The following SETD1A variants were observed in gnomAD, a reference collection of about 807,000 sequenced individuals.
The protein encoded by SETD1A is histone-lysine N-methyltransferase SETD1A.
In SETD1A, 29 loss-of-function variants were observed where a neutral mutation model predicts 149.9. The observed-to-expected ratio is 0.19, with a 90% CI of 0.14 to 0.26. The LOEUF (loss-of-function observed/expected upper bound fraction) is 0.26, where lower values mean the gene tolerates loss of function less well. Ranked by LOEUF, SETD1A falls within the 10% of genes least tolerant of loss-of-function variation. The probability of loss-of-function intolerance (pLI) is 1.00; values close to 1 mark genes in which losing one functional copy is unlikely to be tolerated. For synonymous variants in SETD1A, 1,141 were observed against 968.5 expected (o/e 1.18, Z -3.31); for missense variants, 2,109 against 2,353.1 (o/e 0.90, Z 2.15).
intron 13 of SETD1A, among the ~76,000 whole-genome samples, chr16:30,978,933 G>T (rs536624751): frequency 6.6e-6 from 1 of 152,218 alleles, no homozygotes; most frequent in Non-Finnish European, 1.5e-5. Context: ...TCCCACACAC[G>T]TGTCACAGCG....
rs749945271 is a variant in SETD1A, at chr16:30,980,882, G to C, written c.4692+33G>C. 6.7e-7 allele frequency: 1 copy of C among 1,486,224 alleles called. No individual in the cohort carries two copies. The highest frequency in any genetic ancestry group is 9.3e-7 in the Non-Finnish European group (1 of 1,074,242). The allele number at this position is 1,486,224 out of a possible 1,614,324, so 92.1% of individuals were successfully genotyped here. On this transcript the variant is annotated intron_variant, in intron 16 of 18. Coordinates refer to ENST00000262519, the MANE Select transcript of SETD1A (RefSeq NM_014712.3). The surrounding 1 kb of genome is among the most constrained non-coding windows in gnomAD (Gnocchi z 7.7). ...TGGGCTGCAGGAGGGGCTGGGTGGG[G>C]TGGGGTGGGGCAGGAAGGGGCAGAG...
rs1243273140 is a variant in SETD1A, at chr16:30,969,382, A to G, written c.2848A>G (p.Lys950Glu). ...KPPKRDEERG[K>E]TQGKHRKSFA... ...CCCGAAGCGGGACGAAGAGCGAGGC[A>G]AGACCCAGGGCAAGCACCGCAAGTC... The change falls in exon 11 of 19, where the codon AAG (lysine) becomes GAG (glutamate). Residue 950 changes from lysine (K) to glutamate (E), a missense_variant. This residue lies in a region of SETD1A where 832 missense variants were observed against 815.6 expected (regional missense o/e 1.02). Coordinates refer to ENST00000262519, the MANE Select transcript of SETD1A (RefSeq NM_014712.3). The G allele has an allele frequency of 1.9e-6, 3 of 1,614,190 alleles. No individual in the cohort carries two copies. In the Admixed American group the frequency reaches 5.0e-5, roughly 27 times the overall value.
intron 17 of SETD1A, among the ~76,000 whole-genome samples, chr16:30,981,869 C>T (rs1441544044): frequency 2.0e-5 from 3 of 152,064 alleles, no homozygotes; most frequent in Admixed American, 6.6e-5. Flanking sequence ...GAGGATCACT[C>T]GAGACCACGA....
chr16:30,969,570 C>T (rs1428473653), intron 11 of SETD1A, 32 bp from the exon 12 acceptor site: 3 of 1,607,404 alleles, frequency 1.9e-6, no homozygotes, highest in Non-Finnish European at 2.6e-6. Context: ...TTGTCCCCTT[C>T]CTGTTAGTCC....
chr16:30,979,732 C>G lies in SETD1A; in HGVS notation c.3946C>G (p.Arg1316Gly). ...VKPTPPAPAL[R>G]PPEPVPAPAA... Reference sequence around the variant, plus strand: ...GCCCACGCCCCCTGCGCCAGCCCTGCGGCCCCCGGAGCCAGTGCCCGCACC... The same window carrying G: ...GCCCACGCCCCCTGCGCCAGCCCTGGGGCCCCCGGAGCCAGTGCCCGCACC... The change falls in exon 14 of 19, where the codon CGG becomes GGG. Residue 1316 changes from arginine to glycine, a missense_variant. Arg to Gly is a moderately radical substitution (Grantham distance 125). Transcript: ENST00000262519. 1 of 1,599,188 alleles carries G rather than the reference C, an allele frequency of 6.3e-7. No individual in the cohort carries two copies. Among genetic ancestry groups the G allele is most frequent in the Non-Finnish European group, 8.5e-7 (1 of 1,178,376 alleles).
rs551010413 is a variant in SETD1A at position 30,961,799 on chromosome 16, T to C, written c.517+262T>C. Among the ~76,000 whole-genome samples the C allele has an allele frequency of 6.6e-6, 1 of 151,390 alleles. No individual in the cohort carries two copies. Among genetic ancestry groups the C allele is most frequent in the East Asian group, 1.9e-4 (1 of 5,154 alleles). ...AAAAAAAAAAAATCATATGAAGGGTTGTACTAGGTAAGATGAATAGATTGT... is the reference window on the plus strand; with the variant it reads ...AAAAAAAAAAAATCATATGAAGGGTCGTACTAGGTAAGATGAATAGATTGT... On this transcript the variant is annotated intron_variant, in intron 4 of 18. Transcript: ENST00000262519. The surrounding 1 kb of genome is among the most constrained non-coding windows in gnomAD (Gnocchi z 4.0).
intron 1 of SETD1A, 32 bp from the exon 2 acceptor site, chr16:30,958,685 A>T (rs1410452385): frequency 3.7e-6 from 6 of 1,600,746 alleles, no homozygotes; most frequent in Non-Finnish European, 5.1e-6. Flanking sequence ...CCAAGTCCTG[A>T]TCCTTCTTGC....
At chr16:30,962,775 C>T (rs1038948891) in intron 4 of SETD1A, among the ~76,000 whole-genome samples, 1 of 152,202 alleles carries the variant, frequency 6.6e-6, no homozygotes, top group Admixed American at 6.5e-5. Flanking sequence ...GGTGAAACCC[C>T]ATTTCTATTA....
Position 30,979,316 on chromosome 16 carries a change from C to G in SETD1A, c.3530C>G (p.Pro1177Arg). Residue 1177 changes from proline to arginine, a missense_variant, in exon 14 of 19, where the codon CCA becomes CGA. Transcript: ENST00000262519. ...TVSFSAIEVVPAPEPPPATPP... is the reference protein window; with the variant it reads ...TVSFSAIEVVRAPEPPPATPP... Reference sequence around the variant, plus strand: ...TCCTTCTCTGCCATCGAGGTGGTGCCAGCCCCGGAGCCCCCTCCAGCCACA... The same window carrying G: ...TCCTTCTCTGCCATCGAGGTGGTGCGAGCCCCGGAGCCCCCTCCAGCCACA... The G allele has an allele frequency of 6.2e-7, 1 of 1,613,652 alleles. No individual in the cohort carries two copies. The highest frequency in any genetic ancestry group is 8.5e-7 in the Non-Finnish European group (1 of 1,179,802).
Position 30,965,271 on chromosome 16 carries a change from CAGA to C in SETD1A, c.1530_1532del (p.Glu515del), listed in dbSNP as rs2056123353. 1.9e-6 allele frequency: 3 copies of C among 1,614,254 alleles called. No individual in the cohort carries two copies. The highest frequency in any genetic ancestry group is 1.7e-6 in the Non-Finnish European group (2 of 1,180,046). ...AAGTTTTCCTTCTTGGCCTCTGACA[CAGA>C]GGAGGAGGAAGAGAACAGCAGCATG... On this transcript the variant is annotated inframe_deletion, in exon 7 of 19. Coordinates refer to ENST00000262519, the MANE Select transcript of SETD1A (RefSeq NM_014712.3).
rs779560255 is a variant in SETD1A at position 30,979,131 on chromosome 16, T to C, written c.3359-14T>C. The C allele has an allele frequency of 1.0e-5, 16 of 1,535,284 alleles. No individual in the cohort carries two copies. Among genetic ancestry groups the C allele is most frequent in the South Asian group, 1.0e-4 (8 of 79,848 alleles). On this transcript the variant is annotated splice_polypyrimidine_tract_variant and intron_variant, in intron 13 of 18. Transcript: ENST00000262519. ...TCCCTGACCTCCTTTCCTTCCTATGTGCTTCCTTCCCAGGCCCCACGGAGG... is the reference window on the plus strand; with the variant it reads ...TCCCTGACCTCCTTTCCTTCCTATGCGCTTCCTTCCCAGGCCCCACGGAGG...
intron 8 of SETD1A, 118 bp downstream of exon 8, chr16:30,966,504 C>T (rs898861305): frequency 1.2e-5 from 17 of 1,433,542 alleles, no homozygotes; most frequent in African/African-American, 1.2e-4. Context: ...GGAGAGAGGC[C>T]GCAGGCCCTG....
chr16:30,963,974 A>G, intron 5 of SETD1A, 120 bp from the exon 6 acceptor site: 2 of 802,300 alleles, frequency 2.5e-6, no homozygotes. Context: ...CCTGGGCAAT[A>G]GAGCGAGACT....
chr16:30,984,111 A>T lies in SETD1A; in HGVS notation c.*88A>T. ...CCCCCCCAGCCTTAGTGGGCTCAGC[A>T]GGGCCCACATGCCCCCATCTCCAAG... On this transcript the variant is annotated 3_prime_UTR_variant, in exon 19 of 19. Coordinates refer to ENST00000262519, the MANE Select transcript of SETD1A (RefSeq NM_014712.3). 1 of 1,252,276 alleles carries T rather than the reference A, an allele frequency of 8.0e-7. No individual in the cohort carries two copies. Among genetic ancestry groups the T allele is most frequent in the Non-Finnish European group, 1.1e-6 (1 of 916,332 alleles). 77.6% of individuals were successfully genotyped at this position (1,252,276 alleles called of 1,614,324 possible).
At chr16:30,981,289 G>A (rs566617220) in intron 17 of SETD1A, 109 bp downstream of exon 17, 23 of 1,425,826 alleles carry the variant, frequency 1.6e-5, no homozygotes, top group Admixed American at 7.6e-5. Context: ...CCCTAACCCC[G>A]GTACCTAGCC....
In SETD1A at chr16:30,980,424, C is replaced by T. The variant is rs2056357737; in HGVS notation, c.4409-61C>T. The T allele has an allele frequency of 9.0e-6, 14 of 1,561,222 alleles. No homozygotes were observed. The East Asian group carries it at 1.1e-4, about 13-fold the overall frequency. Reference sequence around the variant, plus strand: ...TGCTCAGCGGCGTGGGCCCCGCCCTCTCCTTTGGCTGGGACGCAGGTGGCC... The same window carrying T: ...TGCTCAGCGGCGTGGGCCCCGCCCTTTCCTTTGGCTGGGACGCAGGTGGCC... On this transcript the variant is annotated intron_variant, in intron 14 of 18. Transcript: ENST00000262519. This position sits in a 1 kb window ranked among gnomAD's most constrained non-coding sequence, Gnocchi z 7.7.
intron 17 of SETD1A, 106 bp downstream of exon 17, chr16:30,981,286 C>A: frequency 6.9e-7 from 1 of 1,443,394 alleles, no homozygotes. Context: ...ACTCCCTAAC[C>A]CCGGTACCTA....
Position 30,983,674 on chromosome 16 carries a change from G to A in SETD1A, c.4852G>A (p.Gly1618Ser). ...DMREKRYVQE[G>S]IGSSYLFRVD... ...GCGGGAGAAGCGCTACGTGCAGGAG[G>A]GCATTGGCAGCAGCTACCTGTTCCG... The change falls in exon 18 of 19, where the codon GGC becomes AGC. Residue 1618 changes from glycine to serine, a missense_variant. Gly to Ser is a moderately conservative substitution (Grantham distance 56). Coordinates refer to ENST00000262519, the MANE Select transcript of SETD1A (RefSeq NM_014712.3). This position sits in a 1 kb window ranked among gnomAD's most constrained non-coding sequence, Gnocchi z 6.8. The A allele has an allele frequency of 6.2e-7, 1 of 1,613,946 alleles. No individual in the cohort carries two copies. Among genetic ancestry groups the A allele is most frequent in the Non-Finnish European group, 8.5e-7 (1 of 1,179,972 alleles).
At chr16:30,960,312 C>T (rs1462806642) in intron 3 of SETD1A, among the ~76,000 whole-genome samples, 3 of 152,200 alleles carry the variant, frequency 2.0e-5, no homozygotes, top group African/African-American at 4.8e-5. Flanking sequence ...TCCGCCTTGA[C>T]ACCACACCCC....
Sources: gnomAD v4.1 joint callset for allele counts (sites outside exome capture counted in the v4.1 genomes callset) on GRCh38, gnomAD v4.1.1 for gene constraint, gnomAD v4.1.1 regional missense constraint, Gnocchi (gnomAD v3.1) non-coding constraint, MANE v1.5 for transcripts, NCBI Gene and HGNC (gene_info 2026-07-23, HGNC 2026-07-21) for gene names.